KYAT3: variants seen among roughly 807,000 people sequenced by gnomAD.
The protein encoded by KYAT3 is kynurenine aminotransferase 3, also known as kynurenine--oxoglutarate transaminase 3.
Under a neutral mutation model 59.0 loss-of-function variants are expected in KYAT3, and 50 were observed. That is an observed-to-expected ratio of 0.85 (90% CI 0.68 to 1.07). The LOEUF (loss-of-function observed/expected upper bound fraction) is 1.07. Ranked by LOEUF, KYAT3 falls within the 50% of genes least tolerant of loss-of-function variation. The pLI, the probability that KYAT3 is intolerant of heterozygous loss-of-function variation, is 0.00. For synonymous variants in KYAT3, 148 were observed against 177.0 expected, an observed-to-expected ratio of 0.84 and a Z score of 1.30; for missense variants, 497 against 533.3, an observed-to-expected ratio of 0.93 and a Z score of 0.67.
intron 8 of KYAT3, among the ~76,000 whole-genome samples, chr1:88,956,002 C>CT (rs901645384): frequency 1.6e-4 from 25 of 152,252 alleles, no homozygotes; most frequent in East Asian, 5.8e-4. Flanking sequence ...TTTCAGAACA[C>CT]TTTTTTTATC....
At chr1:88,964,195 C>T (rs1005372866) in intron 5 of KYAT3, among the ~76,000 whole-genome samples, 12 of 151,582 alleles carry the variant, frequency 7.9e-5, no homozygotes, top group Non-Finnish European at 1.5e-4. Flanking sequence ...AAGTGGGACT[C>T]CATCTCAAAA....
Position 88,964,890 on chromosome 1 carries a change from G to T in KYAT3, c.392C>A (p.Thr131Lys), listed in dbSNP as rs778641412. 6 of 1,608,884 alleles carry T rather than the reference G, an allele frequency of 3.7e-6. No individual in the cohort carries two copies. The African/African-American group carries it at 8.0e-5, about 22-fold the overall frequency. The change falls in exon 5 of 14, where the codon ACA becomes AAA. Residue 131 changes from threonine to lysine, a missense_variant. Coordinates refer to ENST00000260508, the MANE Select transcript of KYAT3 (RefSeq NM_001008661.3). ...AAAAAGAGATCCATATGCTCCTACT[G>T]TCACAAGGATTTCTTTATTTGAATC... is the stretch of plus-strand genomic sequence containing the variant. ...QIDSNKEILVTVGAYGSLFNT... is the reference protein window; with the variant it reads ...QIDSNKEILVKVGAYGSLFNT...
At chr1:88,969,084 C>T (rs1676452740) in intron 3 of KYAT3, among the ~76,000 whole-genome samples, 4 of 152,150 alleles carry the variant, frequency 2.6e-5, no homozygotes, top group Non-Finnish European at 5.9e-5. Flanking sequence ...TCAACAATTC[C>T]AGCTGCTGCT....
chr1:88,955,276 T>G lies in KYAT3; in HGVS notation c.788-51A>C, dbSNP rs771319653. 5 of 1,060,800 alleles carry G rather than the reference T, an allele frequency of 4.7e-6. No individual in the cohort carries two copies. In the Admixed American group the frequency reaches 9.0e-5, roughly 19 times the overall value. 65.7% of individuals were successfully genotyped at this position (1,060,800 alleles called of 1,614,324 possible). A position where few individuals can be genotyped will look rare whatever the true frequency, so the allele number is the denominator to read the frequency against. On this transcript the variant is annotated intron_variant, in intron 8 of 13. Coordinates refer to ENST00000260508, the MANE Select transcript of KYAT3 (RefSeq NM_001008661.3). ...AATATTGTTTTCCAATTAATCACAT[T>G]TAGTATAATCTAAAAACATAACAAA...
chr1:88,937,903 AC>A (rs1382965592), intron 13 of KYAT3, among the ~76,000 whole-genome samples: 2 of 152,220 alleles, frequency 1.3e-5, no homozygotes, highest in Admixed American at 1.3e-4. Flanking sequence ...AAACTGAGAA[AC>A]CATTCTAGCT....
chr1:88,959,801 T>C (rs1389161503), intron 8 of KYAT3, among the ~76,000 whole-genome samples: 1 of 151,694 alleles, frequency 6.6e-6, no homozygotes, highest in Non-Finnish European at 1.5e-5. Flanking sequence ...TCGCTTTCTC[T>C]TCCCATCTCT....
chr1:88,934,758 C>T (rs982659604), downstream of KYAT3, among the ~76,000 whole-genome samples: 2 of 151,910 alleles, frequency 1.3e-5, no homozygotes, highest in Non-Finnish European at 2.9e-5. Context: ...TTAAGGGAGC[C>T]GATAGAAATA....
At chr1:88,972,050 T>C (rs1357400209) in intron 2 of KYAT3, among the ~76,000 whole-genome samples, 2 of 152,262 alleles carry the variant, frequency 1.3e-5, no homozygotes, top group African/African-American at 4.8e-5. Flanking sequence ...ATATGAAACA[T>C]TGAAATAAAT....
At chr1:88,938,114 G>C (rs1237048507) in intron 13 of KYAT3, among the ~76,000 whole-genome samples, 1 of 152,144 alleles carries the variant, frequency 6.6e-6, no homozygotes, top group Non-Finnish European at 1.5e-5. Flanking sequence ...GAATACACAA[G>C]AAAGTATATG....
chr1:88,990,007 A>G (rs187130286), intron 1 of KYAT3, among the ~76,000 whole-genome samples: 1 of 152,280 alleles, frequency 6.6e-6, no homozygotes, highest in African/African-American at 2.4e-5. Flanking sequence ...ATAGTCCAAA[A>G]TGATTCTTTA....
intron 1 of KYAT3, among the ~76,000 whole-genome samples, chr1:88,991,796 A>T (rs1367530735): frequency 6.6e-6 from 1 of 152,244 alleles, no homozygotes; most frequent in Non-Finnish European, 1.5e-5. Flanking sequence ...AGACTTGCTA[A>T]GGGCTGACCT....
chr1:88,974,946 G>T (rs922783818), intron 2 of KYAT3, among the ~76,000 whole-genome samples: 3 of 152,144 alleles, frequency 2.0e-5, no homozygotes, highest in African/African-American at 7.2e-5. Flanking sequence ...GGGAATAAAG[G>T]CCGGCCACGT....
chr1:88,952,383 AGGTGGGGCCT>A (rs1197090718), intron 10 of KYAT3, among the ~76,000 whole-genome samples: 1 of 152,080 alleles, frequency 6.6e-6, no homozygotes, highest in African/African-American at 2.4e-5. Context: ...TCAATGTTGG[AGGTGGGGCCT>A]GGTGGGAGGT....
chr1:88,975,246 G>A (rs1416397437), intron 2 of KYAT3, among the ~76,000 whole-genome samples: 1 of 152,088 alleles, frequency 6.6e-6, no homozygotes. Context: ...TGAAGCGAGC[G>A]AGACCAAGAA....
chr1:88,961,930 CAAAT>C, intron 6 of KYAT3, 125 bp downstream of exon 6: 1 of 684,814 alleles, frequency 1.5e-6, no homozygotes, highest in South Asian at 1.8e-5. Context: ...GACAACTAGA[CAAAT>C]AGAGATATAC....
intron 6 of KYAT3, 54 bp from the exon 7 acceptor site, chr1:88,961,560 C>A: frequency 6.7e-7 from 1 of 1,483,594 alleles, no homozygotes; most frequent in Non-Finnish European, 9.2e-7. Context: ...TGTTTACTGT[C>A]TTACAAACGA....
intron 4 of KYAT3, 131 bp from the exon 5 acceptor site, chr1:88,965,109 A>T: frequency 1.6e-6 from 1 of 643,378 alleles, no homozygotes; most frequent in Non-Finnish European, 2.5e-6. Context: ...AAGAAAATTT[A>T]TATTTTTTAA....
intron 2 of KYAT3, chr1:88,983,227 G>C: frequency 6.2e-7 from 1 of 1,613,286 alleles, no homozygotes; most frequent in Non-Finnish European, 8.5e-7. Context: ...CTCTACGAGA[G>C]GGGAGCGGTT....
intron 1 of KYAT3, 81 bp from the exon 2 acceptor site, chr1:88,988,432 G>T: frequency 2.6e-6 from 2 of 772,294 alleles, no homozygotes; most frequent in East Asian, 2.6e-5. Context: ...GCTAGCTGAT[G>T]TATCATAAGC....
Sources: gnomAD v4.1 joint callset for allele counts (sites outside exome capture counted in the v4.1 genomes callset) on GRCh38, gnomAD v4.1.1 for gene constraint, MANE v1.5 for transcripts, NCBI Gene and HGNC (gene_info 2026-07-23, HGNC 2026-07-21) for gene names.